LRP1B: variants seen among roughly 807,000 people sequenced by gnomAD.
LRP1B encodes the protein low-density lipoprotein receptor-related protein 1B.
LRP1B carries 217 observed loss-of-function variants against 556.6 expected under a neutral mutation model. That is an observed-to-expected ratio of 0.39 (90% CI 0.35 to 0.44). The LOEUF (loss-of-function observed/expected upper bound fraction) is 0.44, where lower values mean the gene tolerates loss of function less well. Among genes scored for constraint, LRP1B ranks in the 20% least tolerant of loss-of-function variants. LRP1B has a pLI of 1.00. For synonymous variants in LRP1B, 2,047 were observed against 1,865.8 expected (o/e 1.10, Z -2.50); for missense variants, 5,053 against 5,620.8 (o/e 0.90, Z 3.23).
rs1456939620 is a variant in LRP1B, at chr2:140,639,763, G to A, written c.6800-38124C>T. Among the ~76,000 whole-genome samples the A allele has an allele frequency of 2.0e-5, 3 of 152,002 alleles. No individual in the cohort carries two copies. In the East Asian group the frequency reaches 5.8e-4, roughly 29 times the overall value. On this transcript the variant is annotated intron_variant, in intron 41 of 90. Transcript: ENST00000389484. ...AAATGTTATCTAGAATAAAAACAAAGTCCTAATCATTATGTCAAGACCCAA... is the reference window on the plus strand; with the variant it reads ...AAATGTTATCTAGAATAAAAACAAAATCCTAATCATTATGTCAAGACCCAA...
intron 3 of LRP1B, among the ~76,000 whole-genome samples, chr2:141,406,535 GTATC>G (rs978249825): frequency 1.3e-4 from 19 of 145,438 alleles, no homozygotes; most frequent in Admixed American, 4.2e-4. Context: ...CAGGTGTAGA[GTATC>G]TATCTATCAT....
At chr2:140,565,924 A>AC (rs1323977487) in intron 43 of LRP1B, among the ~76,000 whole-genome samples, 1 of 151,884 alleles carries the variant, frequency 6.6e-6, no homozygotes, top group East Asian at 1.9e-4. Flanking sequence ...ACCACTGGGG[A>AC]CCCCCGCAGT....
At chr2:141,280,186 G>A (rs906657825) in intron 3 of LRP1B, among the ~76,000 whole-genome samples, 3 of 152,162 alleles carry the variant, frequency 2.0e-5, no homozygotes, top group South Asian at 4.1e-4. Flanking sequence ...ACATGCACAT[G>A]CTCTGAATTA....
chr2:141,742,392 C>G (rs184512888), intron 2 of LRP1B, among the ~76,000 whole-genome samples: 248 of 151,986 alleles, frequency 1.6e-3, no homozygotes, highest in African/African-American at 5.5e-3. Context: ...GCTGGGATTA[C>G]AGGCACATGA....
At chr2:141,545,957 A>G (rs1324391551) in intron 2 of LRP1B, among the ~76,000 whole-genome samples, 4 of 152,174 alleles carry the variant, frequency 2.6e-5, no homozygotes, top group African/African-American at 9.6e-5. Flanking sequence ...GTAAAATTAC[A>G]TATTTGTGTG....
intron 20 of LRP1B, among the ~76,000 whole-genome samples, chr2:140,932,870 T>A (rs1056765036): frequency 2.6e-5 from 3 of 115,374 alleles, no homozygotes; most frequent in East Asian, 2.3e-4. Context: ...AGTGAGACAC[T>A]CTCTCTCTCT....
intron 1 of LRP1B, among the ~76,000 whole-genome samples, chr2:142,105,859 T>G (rs944419156): frequency 2.0e-5 from 3 of 152,176 alleles, no homozygotes; most frequent in African/African-American, 4.8e-5. Context: ...GGTTGTATAC[T>G]CCTCTGATAA....
chr2:141,651,492 C>T (rs747826106), intron 2 of LRP1B, among the ~76,000 whole-genome samples: 35 of 152,036 alleles, frequency 2.3e-4, no homozygotes, highest in African/African-American at 2.7e-4. Flanking sequence ...GGTGAAACCC[C>T]ATCTCTACTA....
chr2:140,335,314 T>A (rs1681024576), intron 78 of LRP1B, among the ~76,000 whole-genome samples: 1 of 151,896 alleles, frequency 6.6e-6, no homozygotes, highest in Admixed American at 6.6e-5. Flanking sequence ...CAATTTTAGA[T>A]TATAAACATC....
At chr2:141,610,540 T>C (rs1688073302) in intron 2 of LRP1B, among the ~76,000 whole-genome samples, 4 of 152,232 alleles carry the variant, frequency 2.6e-5, no homozygotes, top group Middle Eastern at 3.4e-3. Flanking sequence ...GGTCAGCCAG[T>C]ACTTTCCCTG....
At chr2:141,407,655 C>G (rs1690692260) in intron 3 of LRP1B, among the ~76,000 whole-genome samples, 1 of 152,142 alleles carries the variant, frequency 6.6e-6, no homozygotes, top group African/African-American at 2.4e-5. Context: ...ATGTGGCATG[C>G]TTGTTCTCCC....
chr2:141,402,335 T>C (rs1488075341), intron 3 of LRP1B, among the ~76,000 whole-genome samples: 2 of 152,082 alleles, frequency 1.3e-5, no homozygotes, highest in Non-Finnish European at 2.9e-5. Flanking sequence ...TATTTGGCTG[T>C]TCAAATCAAA....
At chr2:141,764,769 G>A (rs932237104) in intron 2 of LRP1B, among the ~76,000 whole-genome samples, 4 of 151,704 alleles carry the variant, frequency 2.6e-5, no homozygotes, top group Non-Finnish European at 4.4e-5. Flanking sequence ...GATAGACAAC[G>A]AAACCTTATA....
chr2:141,429,079 T>C (rs1261681395), intron 3 of LRP1B, among the ~76,000 whole-genome samples: 1 of 152,138 alleles, frequency 6.6e-6, no homozygotes, highest in Non-Finnish European at 1.5e-5. Flanking sequence ...AAAATTACTA[T>C]AGAGGTATTT....
At chr2:141,365,795 C>G (rs1041787660) in intron 3 of LRP1B, among the ~76,000 whole-genome samples, 1 of 151,328 alleles carries the variant, frequency 6.6e-6, no homozygotes, top group Non-Finnish European at 1.5e-5. Flanking sequence ...GCCTCAGCCT[C>G]CTGAGTAGCT....
intron 35 of LRP1B, 39 bp from the exon 36 acceptor site, chr2:140,716,855 AC>A: frequency 7.8e-7 from 1 of 1,286,478 alleles, no homozygotes; most frequent in Non-Finnish European, 1.1e-6. Context: ...ATATACACAC[AC>A]TGTAAAAGGT....
chr2:140,565,466 T>G (rs1353740385), intron 43 of LRP1B, among the ~76,000 whole-genome samples: 1 of 152,112 alleles, frequency 6.6e-6, no homozygotes, highest in Non-Finnish European at 1.5e-5. Context: ...ATTTACCAGA[T>G]CCCTCATTAT....
chr2:141,370,771 G>A lies in LRP1B; in HGVS notation c.343+109625C>T, dbSNP rs114519409. Among the ~76,000 whole-genome samples, 592 of 152,130 alleles carry A rather than the reference G, an allele frequency of 3.9e-3. 4 individuals are homozygous for A. The highest frequency in any genetic ancestry group is 0.014 in the African/African-American group (564 of 41,496). Reference sequence around the variant, plus strand: ...CCAGGTTTTTTCTAATATGTTTACGGTTTCAGGTCTCATATTCAAGTCTGT... The same window carrying A: ...CCAGGTTTTTTCTAATATGTTTACGATTTCAGGTCTCATATTCAAGTCTGT... On this transcript the variant is annotated intron_variant, in intron 3 of 90. Coordinates refer to ENST00000389484, the MANE Select transcript of LRP1B (RefSeq NM_018557.3).
In LRP1B at chr2:141,833,920, G is replaced by T. The variant is rs927636168; in HGVS notation, c.83-23519C>A. 3.3e-5 allele frequency among the ~76,000 whole-genome samples: 5 copies of T among 151,804 alleles called. No individual in the cohort carries two copies. In the South Asian group the frequency reaches 1.0e-3, roughly 31 times the overall value. On this transcript the variant is annotated intron_variant, in intron 1 of 90. Transcript: ENST00000389484. ...TGAAGGATGAAGATGGATTTCCTAG[G>T]GATAGGAGGGAATGATGGAAGAGGC...
Sources: allele counts gnomAD v4.1 joint callset (sites outside exome capture counted in the v4.1 genomes callset), GRCh38; gene constraint gnomAD v4.1.1; transcripts MANE v1.5; gene names NCBI Gene and HGNC (gene_info 2026-07-23, HGNC 2026-07-21).